Variants in GRM7 observed in about 807,000 individuals in gnomAD.
GRM7 encodes glutamate metabotropic receptor 7.
A neutral mutation model predicts 84.5 loss-of-function variants in GRM7; 35 were observed. The ratio of observed to expected loss-of-function variants is 0.41; its 90% CI spans 0.32 to 0.55. The LOEUF is 0.55. GRM7 is among the 20% of genes least tolerant of loss of function. The pLI is 0.19. For synonymous variants in GRM7, 487 were observed against 455.1 expected, an observed-to-expected ratio of 1.07 and a Z score of -0.89; for missense variants, 1,003 against 1,194.6, an observed-to-expected ratio of 0.84 and a Z score of 2.36.
At chr3:7,444,121 T>C (rs1219397739) in intron 5 of GRM7, among the ~76,000 whole-genome samples, 1 of 152,186 alleles carries the variant, frequency 6.6e-6, no homozygotes, top group African/African-American at 2.4e-5. Context: ...TCATCTGGCT[T>C]CTTAATGCAT....
chr3:7,590,482 T>TA (rs1168367658), intron 8 of GRM7, among the ~76,000 whole-genome samples: 1 of 152,204 alleles, frequency 6.6e-6, no homozygotes, highest in East Asian at 1.9e-4. Flanking sequence ...CCTGCAAAGC[T>TA]AAAAATATTT....
chr3:7,677,262 TAAA>T lies in GRM7; in HGVS notation c.2452-2757_2452-2755del, dbSNP rs557488794. On this transcript the variant is annotated intron_variant, in intron 8 of 9. Coordinates refer to ENST00000357716, the MANE Select transcript of GRM7 (RefSeq NM_000844.4). Reference sequence around the variant, plus strand: ...GGGCAATAGAGGGAGACTCTGTCTTTAAAAAAAAAAAAAAAAAAAAAAAAAAAA... The same window carrying T: ...GGGCAATAGAGGGAGACTCTGTCTTTAAAAAAAAAAAAAAAAAAAAAAAAA... Among the ~76,000 whole-genome samples the T allele has an allele frequency of 1.1e-4, 4 of 36,984 alleles. No homozygotes were observed. The South Asian group carries it at 2.5e-3, about 23-fold the overall frequency. The allele number at this position is 36,984 out of a possible 152,430, so 24.3% of individuals were successfully genotyped here. A position where few individuals can be genotyped will look rare whatever the true frequency, so the allele number is the denominator to read the frequency against.
intron 8 of GRM7, among the ~76,000 whole-genome samples, chr3:7,602,466 C>T (rs532354163): frequency 2.6e-5 from 4 of 152,166 alleles, no homozygotes; most frequent in Admixed American, 1.3e-4. Context: ...CAGAATGCTT[C>T]TCTCTGTAAT....
At chr3:7,313,606 T>C (rs1469979847) in intron 4 of GRM7, among the ~76,000 whole-genome samples, 3 of 152,108 alleles carry the variant, frequency 2.0e-5, no homozygotes, top group Non-Finnish European at 1.5e-5. Flanking sequence ...CCTTACAAAA[T>C]GATGATTTTT....
intron 1 of GRM7, among the ~76,000 whole-genome samples, chr3:6,968,886 C>T (rs1693629712): frequency 1.3e-5 from 2 of 152,136 alleles, no homozygotes; most frequent in Non-Finnish European, 1.5e-5. Flanking sequence ...GAATATGAGC[C>T]CAGGGTTGTC....
intron 1 of GRM7, among the ~76,000 whole-genome samples, chr3:7,020,778 T>A (rs1154370): frequency 6.6e-6 from 1 of 151,978 alleles, no homozygotes; most frequent in Admixed American, 6.5e-5. Flanking sequence ...TTTTTAGAGT[T>A]CCTACTATGC....
intron 2 of GRM7, among the ~76,000 whole-genome samples, chr3:7,263,761 G>T (rs890346141): frequency 6.6e-6 from 1 of 152,148 alleles, no homozygotes; most frequent in Non-Finnish European, 1.5e-5. Context: ...CAGGGACAGG[G>T]CTGGTGCTCT....
intron 8 of GRM7, among the ~76,000 whole-genome samples, chr3:7,646,974 G>C (rs932826598): frequency 6.6e-6 from 1 of 152,152 alleles, no homozygotes; most frequent in Non-Finnish European, 1.5e-5. Flanking sequence ...CACTTGTAGA[G>C]GTGAACTGGG....
chr3:7,229,379 T>C (rs1697085327), intron 2 of GRM7, among the ~76,000 whole-genome samples: 1 of 151,928 alleles, frequency 6.6e-6, no homozygotes, highest in Admixed American at 6.6e-5. Context: ...ATTATTTCCT[T>C]ATTATAGCTG....
intron 2 of GRM7, among the ~76,000 whole-genome samples, chr3:7,274,795 G>C (rs190367000): frequency 6.6e-6 from 1 of 151,962 alleles, no homozygotes; most frequent in Non-Finnish European, 1.5e-5. Flanking sequence ...TCTGGTTGGT[G>C]TTTAAGCTTC....
chr3:7,686,034 G>A (rs1341876953), intron 9 of GRM7, among the ~76,000 whole-genome samples: 2 of 152,146 alleles, frequency 1.3e-5, no homozygotes, highest in Non-Finnish European at 2.9e-5. Flanking sequence ...GGACTAGGGT[G>A]AGAAAAAAGG....
Position 7,578,531 on chromosome 3 carries a change from G to T in GRM7, c.1625G>T (p.Cys542Phe). Reference protein sequence around the residue: ...RKKTQKGTPCCWTCEPCDGYQ... With the variant: ...RKKTQKGTPCFWTCEPCDGYQ... ...AAGACACAGAAAGGAACTCCTTGCT[G>T]TTGGACCTGTGAGCCTTGCGATGGT... Residue 542 changes from cysteine (C) to phenylalanine (F), a missense_variant, in exon 8 of 10, where the codon TGT becomes TTT. By Grantham distance (205) the Cys-to-Phe change is radical. This residue lies in a region of GRM7 where 910 missense variants were observed against 1,126.0 expected (regional missense o/e 0.81). Transcript: ENST00000357716. 1 of 1,613,972 alleles carries T rather than the reference G, an allele frequency of 6.2e-7. No homozygotes were observed. The highest frequency in any genetic ancestry group is 8.5e-7 in the Non-Finnish European group (1 of 1,179,880).
At chr3:6,973,545 C>T (rs1218381108) in intron 1 of GRM7, among the ~76,000 whole-genome samples, 1 of 151,904 alleles carries the variant, frequency 6.6e-6, no homozygotes, top group African/African-American at 2.4e-5. Flanking sequence ...ATGATAAGTG[C>T]CTGGGAAGAA....
chr3:6,986,715 C>G (rs917458810), intron 1 of GRM7, among the ~76,000 whole-genome samples: 3 of 152,150 alleles, frequency 2.0e-5, no homozygotes, highest in African/African-American at 7.2e-5. Context: ...TGTTCTAATC[C>G]TGTCCTGGCT....
At chr3:7,634,801 AAAAAAG>A (rs1313213827) in intron 8 of GRM7, among the ~76,000 whole-genome samples, 27 of 151,892 alleles carry the variant, frequency 1.8e-4, no homozygotes, top group African/African-American at 4.6e-4. Flanking sequence ...CTCAAAAAAA[AAAAAAG>A]AAAAAGAAAA....
At chr3:6,938,898 T>C (rs1575039273) in intron 1 of GRM7, among the ~76,000 whole-genome samples, 1 of 152,344 alleles carries the variant, frequency 6.6e-6, no homozygotes, top group East Asian at 1.9e-4. Flanking sequence ...TTGATATTCC[T>C]TCTTATTATA....
intron 2 of GRM7, among the ~76,000 whole-genome samples, chr3:7,156,769 T>C (rs948078772): frequency 2.0e-5 from 3 of 152,152 alleles, no homozygotes; most frequent in Non-Finnish European, 4.4e-5. Flanking sequence ...GTACTATGCA[T>C]CACAACAACA....
At chr3:7,718,839 T>G (rs1319734295) in intron 9 of GRM7, among the ~76,000 whole-genome samples, 1 of 152,136 alleles carries the variant, frequency 6.6e-6, no homozygotes, top group Non-Finnish European at 1.5e-5. Flanking sequence ...AACAGCAGGG[T>G]CTTTGGTGAT....
intron 4 of GRM7, among the ~76,000 whole-genome samples, chr3:7,320,275 T>G (rs912344495): frequency 7.9e-5 from 12 of 151,982 alleles, no homozygotes; most frequent in Admixed American, 7.2e-4. Flanking sequence ...GAGAAAAGCA[T>G]ACAAATCTAT....
Sources: gnomAD v4.1 joint callset for allele counts (sites outside exome capture counted in the v4.1 genomes callset) on GRCh38, gnomAD v4.1.1 for gene constraint, gnomAD v4.1.1 regional missense constraint, MANE v1.5 for transcripts, NCBI Gene and HGNC (gene_info 2026-07-23, HGNC 2026-07-21) for gene names.